FBXL4: variants seen among roughly 807,000 people sequenced by gnomAD.
The protein encoded by FBXL4 is F-box/LRR-repeat protein 4.
A neutral mutation model predicts 58.9 loss-of-function variants in FBXL4; 40 were observed. That is an observed-to-expected ratio of 0.68 (90% CI 0.53 to 0.88). The LOEUF (loss-of-function observed/expected upper bound fraction) is 0.88. FBXL4 is among the 40% of genes least tolerant of loss of function. FBXL4 has a pLI of 0.00. For synonymous variants in FBXL4, 263 were observed against 265.5 expected (o/e 0.99, Z 0.09); for missense variants, 676 against 734.4 (o/e 0.92, Z 0.92).
intron 4 of FBXL4, among the ~76,000 whole-genome samples, chr6:98,921,578 T>G (rs927320010): frequency 2.0e-5 from 3 of 152,072 alleles, no homozygotes; most frequent in Non-Finnish European, 4.4e-5. Flanking sequence ...TAAACTAGCA[T>G]GTGCTTAAAA....
intron 7 of FBXL4, among the ~76,000 whole-genome samples, chr6:98,888,591 C>T (rs1375827441): frequency 6.6e-6 from 1 of 152,182 alleles, no homozygotes; most frequent in African/African-American, 2.4e-5. Flanking sequence ...TCTACACATT[C>T]TGCTGGTTAG....
intron 1 of FBXL4, among the ~76,000 whole-genome samples, chr6:98,939,743 T>A (rs9492848): frequency 0.017 from 2,644 of 152,330 alleles, 74 homozygotes; most frequent in African/African-American, 0.061. Context: ...CAGTGGCACT[T>A]TCTAAGGGTC....
intron 1 of FBXL4, among the ~76,000 whole-genome samples, chr6:98,942,592 C>A (rs1014289291): frequency 1.3e-5 from 2 of 152,072 alleles, no homozygotes; most frequent in Admixed American, 6.6e-5. Flanking sequence ...CTTTGCCTGC[C>A]ACAATGATTG....
At chr6:98,911,079 G>A (rs1399552809) in intron 5 of FBXL4, among the ~76,000 whole-genome samples, 2 of 152,186 alleles carry the variant, frequency 1.3e-5, no homozygotes, top group Non-Finnish European at 2.9e-5. Context: ...CTGATTGCTA[G>A]GACAGCAGTC....
At chr6:98,904,725 T>C (rs935429512) in intron 6 of FBXL4, among the ~76,000 whole-genome samples, 5 of 152,186 alleles carry the variant, frequency 3.3e-5, no homozygotes, top group African/African-American at 9.6e-5. Context: ...GCTGGGATTA[T>C]ATGTAACATA....
At chr6:98,887,668 T>C (rs967034021) in intron 7 of FBXL4, among the ~76,000 whole-genome samples, 1 of 149,950 alleles carries the variant, frequency 6.7e-6, no homozygotes, top group South Asian at 2.1e-4. Flanking sequence ...AAGAGATTTA[T>C]GTTGAATGAT....
intron 4 of FBXL4, among the ~76,000 whole-genome samples, chr6:98,919,151 A>G (rs1772484462): frequency 6.6e-6 from 1 of 152,184 alleles, no homozygotes; most frequent in African/African-American, 2.4e-5. Context: ...AGAAGGGACC[A>G]AGAAAAGCAT....
At chr6:98,877,436 G>GA (rs1770699624) in intron 8 of FBXL4, among the ~76,000 whole-genome samples, 2 of 152,276 alleles carry the variant, frequency 1.3e-5, no homozygotes, top group African/African-American at 4.8e-5. Flanking sequence ...AACACAGTGA[G>GA]AAATTCCTTC....
At chr6:98,931,272 C>A (rs1331797246) in intron 2 of FBXL4, among the ~76,000 whole-genome samples, 2 of 152,170 alleles carry the variant, frequency 1.3e-5, no homozygotes, top group African/African-American at 2.4e-5. Context: ...CAGCTTTTAC[C>A]ATTGTAGATT....
intron 2 of FBXL4, among the ~76,000 whole-genome samples, chr6:98,931,279 G>C (rs531060876): frequency 4.5e-4 from 69 of 152,172 alleles, no homozygotes; most frequent in Non-Finnish European, 8.7e-4. Context: ...TACCATTGTA[G>C]ATTATAAGAT....
At chr6:98,893,129 T>G (rs370916059) in intron 7 of FBXL4, among the ~76,000 whole-genome samples, 15 of 152,188 alleles carry the variant, frequency 9.9e-5, no homozygotes, top group African/African-American at 3.6e-4. Context: ...GTAAACAGGT[T>G]CAAACTTCTA....
intron 2 of FBXL4, among the ~76,000 whole-genome samples, chr6:98,933,676 C>T (rs144866425): frequency 0.021 from 3,125 of 152,296 alleles, 46 homozygotes; most frequent in Middle Eastern, 0.075. Flanking sequence ...AGACTATGAA[C>T]TCCCCAAGTT....
At chr6:98,911,277 T>C (rs563395719) in intron 5 of FBXL4, among the ~76,000 whole-genome samples, 1 of 152,260 alleles carries the variant, frequency 6.6e-6, no homozygotes, top group Admixed American at 6.5e-5. Flanking sequence ...AAGACAGCAG[T>C]AACCTCTGCA....
At chr6:98,912,013 G>C (rs1315142930) in intron 5 of FBXL4, among the ~76,000 whole-genome samples, 3 of 152,132 alleles carry the variant, frequency 2.0e-5, no homozygotes, top group Non-Finnish European at 1.5e-5. Context: ...CAAGGCTCAA[G>C]AACTACGTGA....
At chr6:98,888,339 A>G (rs140380589) in intron 7 of FBXL4, among the ~76,000 whole-genome samples, 1 of 152,248 alleles carries the variant, frequency 6.6e-6, no homozygotes, top group Non-Finnish European at 1.5e-5. Context: ...TGCAAGGCCT[A>G]AAGTATTTAC....
At chr6:98,943,732 T>C (rs999124240) in intron 1 of FBXL4, among the ~76,000 whole-genome samples, 8 of 151,596 alleles carry the variant, frequency 5.3e-5, no homozygotes, top group Non-Finnish European at 1.2e-4. Context: ...AAAATAAACA[T>C]AATAAACATA....
At chr6:98,881,846 G>A (rs148947389) in intron 7 of FBXL4, among the ~76,000 whole-genome samples, 1 of 151,532 alleles carries the variant, frequency 6.6e-6, no homozygotes, top group Non-Finnish European at 1.5e-5. Flanking sequence ...ATTAGAAAGG[G>A]TATATTAAGA....
intron 7 of FBXL4, among the ~76,000 whole-genome samples, chr6:98,883,909 G>T (rs935018607): frequency 6.6e-6 from 1 of 150,856 alleles, no homozygotes; most frequent in Non-Finnish European, 1.5e-5. Flanking sequence ...TCACCTTAAA[G>T]GTTTTAGTTT....
chr6:98,904,366 T>G (rs1183974428), intron 6 of FBXL4, among the ~76,000 whole-genome samples: 1 of 152,192 alleles, frequency 6.6e-6, no homozygotes, highest in African/African-American at 2.4e-5. Flanking sequence ...CTACTAGCCA[T>G]TACTACTTGG....
Sources: gnomAD v4.1 joint callset for allele counts (sites outside exome capture counted in the v4.1 genomes callset) on GRCh38, gnomAD v4.1.1 for gene constraint, MANE v1.5 for transcripts, NCBI Gene and HGNC (gene_info 2026-07-23, HGNC 2026-07-21) for gene names.